DVL1: variants seen among roughly 807,000 people sequenced by gnomAD.
DVL1 encodes the protein segment polarity protein dishevelled homolog DVL-1.
Under a neutral mutation model 65.0 loss-of-function variants are expected in DVL1, and 49 were observed. That is an observed-to-expected ratio of 0.75 (90% CI 0.60 to 0.96). The LOEUF is 0.96. DVL1 is among the 40% of genes least tolerant of loss of function. DVL1 has a pLI of 0.00. For synonymous variants in DVL1, 608 were observed against 433.9 expected (o/e 1.40, Z -4.99); for missense variants, 1,197 against 1,045.4 (o/e 1.15, Z -2.00).
chr1:1,339,132 G>A (rs1008341933), intron 11 of DVL1, among the ~76,000 whole-genome samples, 155 bp downstream of exon 11: 1 of 152,336 alleles, frequency 6.6e-6, no homozygotes, highest in Non-Finnish European at 1.5e-5. Flanking sequence ...AGGTGGGCAC[G>A]GGTGCCTGTG....
intron 4 of DVL1, 86 bp downstream of exon 4, chr1:1,341,967 G>T: frequency 6.9e-7 from 1 of 1,457,184 alleles, no homozygotes; most frequent in Non-Finnish European, 9.3e-7. Flanking sequence ...CTGGCTGGGG[G>T]ACAGGAACTG....
intron 1 of DVL1, among the ~76,000 whole-genome samples, chr1:1,343,799 G>A (rs1643880899): frequency 1.3e-5 from 2 of 152,212 alleles, no homozygotes; most frequent in African/African-American, 4.8e-5. Flanking sequence ...TAGCCAGGGA[G>A]ACAAAGACCT....
At chr1:1,344,592 C>G (rs1445117595) in intron 1 of DVL1, among the ~76,000 whole-genome samples, 1 of 152,148 alleles carries the variant, frequency 6.6e-6, no homozygotes, top group Non-Finnish European at 1.5e-5. Context: ...AGGGCCAGGC[C>G]ATGAGGTAGA....
intron 14 of DVL1, 31 bp from the exon 15 acceptor site, chr1:1,336,546 C>T (rs1014021893): frequency 4.7e-6 from 7 of 1,484,976 alleles, no homozygotes; most frequent in Middle Eastern, 4.9e-4. Flanking sequence ...GGGAAGGAGC[C>T]TGTCAGCACC....
Position 1,340,309 on chromosome 1 carries a change from G to T in DVL1, c.707C>A (p.Ser236Tyr). ...QRLRQADRAS[S>Y]FSSITDSTMS... ...GGTGGAGTCGGTTATGCTGCTGAAG[G>T]AGGAGGCCTATGGAGGAGAGGGGGC... The change falls in exon 7 of 15, where the codon TCC becomes TAC. Residue 236 changes from serine to tyrosine, a missense_variant. Transcript: ENST00000378888. The T allele has an allele frequency of 6.2e-7, 1 of 1,613,944 alleles. No individual in the cohort carries two copies. Among genetic ancestry groups the T allele is most frequent in the Non-Finnish European group, 8.5e-7 (1 of 1,179,950 alleles).
chr1:1,339,729 C>T lies in DVL1; in HGVS notation c.986+7G>A, dbSNP rs771008129. ...GCCCCTCCCGCTCCAGCGCCCCCAG[C>T]CCTCACCCCGTCTGGGAAACGATCT... is the stretch of plus-strand genomic sequence containing the variant. On this transcript the variant is annotated splice_region_variant and intron_variant, in intron 9 of 14. Coordinates refer to ENST00000378888, the MANE Select transcript of DVL1 (RefSeq NM_001330311.2). The T allele has an allele frequency of 5.6e-6, 9 of 1,612,950 alleles. No individual in the cohort carries two copies. Among genetic ancestry groups the T allele is most frequent in the Non-Finnish European group, 4.2e-6 (5 of 1,179,894 alleles).
intron 1 of DVL1, among the ~76,000 whole-genome samples, chr1:1,347,666 C>T (rs999887654): frequency 2.6e-5 from 4 of 152,246 alleles, no homozygotes; most frequent in African/African-American, 9.6e-5. Context: ...AAGGCCAAAG[C>T]AGCCCAGGCC....
Position 1,342,725 on chromosome 1 carries a change from G to A in DVL1, c.204C>T (p.Ala68=), listed in dbSNP as rs140797075. The A allele has an allele frequency of 1.9e-6, 3 of 1,613,002 alleles. No homozygotes were observed. The highest frequency in any genetic ancestry group is 1.7e-6 in the Non-Finnish European group (2 of 1,179,802). ...CGCGGCCGTTGAAGCAGGGAAGCTTGGCATTGTCATCAAAGATCTCCTCCT... is the reference window on the plus strand; with the variant it reads ...CGCGGCCGTTGAAGCAGGGAAGCTTAGCATTGTCATCAAAGATCTCCTCCT... The part of the protein sequence containing the change: ...VVKEEIFDDN[A]KLPCFNGRVV... Residue 68 remains alanine (A), a synonymous_variant, in exon 2 of 15, where the codon GCC becomes GCT. Transcript: ENST00000378888.
At chr1:1,344,813 CCA>C (rs1643893830) in intron 1 of DVL1, among the ~76,000 whole-genome samples, 1 of 152,166 alleles carries the variant, frequency 6.6e-6, no homozygotes, top group Non-Finnish European at 1.5e-5. Context: ...GGGCCAGGGC[CCA>C]CAGTGAGCCC....
Position 1,349,224 on chromosome 1 carries a change from C to G in DVL1, c.-159G>C. On this transcript the variant is annotated 5_prime_UTR_variant, in exon 1 of 15. Transcript: ENST00000378888. This position sits in a 1 kb window ranked among gnomAD's most constrained non-coding sequence, Gnocchi z 4.1. ...CGCCCCCGCCCGACCGCCCAGGCCC[C>G]GGCCGCCGCCCCCGGCTCCCGCGCG... 1 of 262,542 alleles carries G rather than the reference C, an allele frequency of 3.8e-6. No homozygotes were observed. Among genetic ancestry groups the G allele is most frequent in the Non-Finnish European group, 5.8e-6 (1 of 172,270 alleles). The allele number at this position is 262,542 out of a possible 1,614,324, so 16.3% of individuals were successfully genotyped here.
Position 1,341,696 on chromosome 1 carries a change from C to T in DVL1, c.576G>A (p.Val192=). Residue 192 remains valine (V), a synonymous_variant, in exon 5 of 15, where the codon GTG becomes GTA. Transcript: ENST00000378888. ...LSSELESSSF[V]DSDEDGSTSR... ...TCGTGCTGCCATCCTCGTCCGAGTC[C>T]ACAAAGCTGCTGGACTCAAGCTCGC... is the stretch of plus-strand genomic sequence containing the variant. 4.3e-6 allele frequency: 7 copies of T among 1,610,520 alleles called. No homozygotes were observed. Among genetic ancestry groups the T allele is most frequent in the Non-Finnish European group, 5.9e-6 (7 of 1,177,978 alleles).
chr1:1,341,328 T>C (rs899930976), intron 5 of DVL1, among the ~76,000 whole-genome samples: 2 of 151,974 alleles, frequency 1.3e-5, no homozygotes, highest in Admixed American at 6.5e-5. Flanking sequence ...ATGCGCATCA[T>C]GTACATAAAC....
chr1:1,343,769 A>AT (rs1333886674), intron 1 of DVL1, among the ~76,000 whole-genome samples: 1 of 151,500 alleles, frequency 6.6e-6, no homozygotes, highest in Non-Finnish European at 1.5e-5. Context: ...GCCGCCCACC[A>AT]CCCTCCTGTC....
intron 1 of DVL1, among the ~76,000 whole-genome samples, chr1:1,347,225 C>T (rs995129580): frequency 6.6e-6 from 1 of 152,158 alleles, no homozygotes; most frequent in African/African-American, 2.4e-5. Flanking sequence ...TGCAGCCCCA[C>T]TGACTCCCAG....
intron 8 of DVL1, 90 bp downstream of exon 8, chr1:1,339,948 C>CCGCAGACCCCCCCGCAGCCGCA: frequency 6.4e-7 from 1 of 1,554,212 alleles, no homozygotes; most frequent in Non-Finnish European, 8.7e-7. Flanking sequence ...CCAGCAGCCC[C>CCGCAGACCCCCCCGCAGCCGCA]TACAGACCCA....
chr1:1,348,477 G>A (rs1432947067), intron 1 of DVL1, among the ~76,000 whole-genome samples: 3 of 152,226 alleles, frequency 2.0e-5, no homozygotes, highest in Admixed American at 1.3e-4. Context: ...AACCCTAGCA[G>A]ACAGGTTGGT....
rs144365982 is a variant in DVL1 at position 1,340,424 on chromosome 1, G to C, written c.685C>G (p.Arg229Gly). The C allele has an allele frequency of 4.0e-4, 651 of 1,612,304 alleles. No individual in the cohort carries two copies. Among genetic ancestry groups the C allele is most frequent in the Non-Finnish European group, 5.0e-4 (586 of 1,179,458 alleles). ...HKRRRRKQRL[R>G]QADRASSFSS... ...CGGCTGCCTACCCGGTCCGCCTGCC[G>C]AAGGCGCTGCTTCCTCCGCCGGCGT... The change falls in exon 6 of 15, where the codon CGG (arginine) becomes GGG (glycine). Residue 229 changes from arginine to glycine, a missense_variant. Coordinates refer to ENST00000378888, the MANE Select transcript of DVL1 (RefSeq NM_001330311.2).
rs1274170420 is a variant in DVL1, at chr1:1,342,390, A to G, written c.335T>C (p.Ile112Thr). The G allele has an allele frequency of 6.3e-7, 1 of 1,589,558 alleles. No homozygotes were observed. Residue 112 changes from isoleucine (I) to threonine (T), a missense_variant, in exon 3 of 15, where the codon ATC becomes ACC. By Grantham distance (89) the Ile-to-Thr change is moderately conservative. Transcript: ENST00000378888. ...LPPPLERTGG[I>T]GDSRPPSFHP... ...GAAGGAGGGGGGCCGGGAGTCCCCGATGCCGCCTGTCCGCTCAAGAGGCGG... is the reference window on the plus strand; with the variant it reads ...GAAGGAGGGGGGCCGGGAGTCCCCGGTGCCGCCTGTCCGCTCAAGAGGCGG...
At position 1,340,500 on chromosome 1, in the gene DVL1, G is replaced by C. The variant is rs756368723; in HGVS notation, c.609C>G (p.Leu203=). ...DSDEDGSTSR[L]SSSTEQSTSS... ...AGGTGCTCTGCTCCGTGGAGCTGCT[G>C]AGCCTGGGAACAGACTGTCAGAGCT... The change falls in exon 6 of 15, where the codon CTC becomes CTG. Residue 203 remains leucine (L), a synonymous_variant. Coordinates refer to ENST00000378888, the MANE Select transcript of DVL1 (RefSeq NM_001330311.2). 1.9e-6 allele frequency: 3 copies of C among 1,602,240 alleles called. No individual in the cohort carries two copies. Among genetic ancestry groups the C allele is most frequent in the African/African-American group, 1.3e-5 (1 of 74,960 alleles).
Sources: gnomAD v4.1 joint callset for allele counts (sites outside exome capture counted in the v4.1 genomes callset) on GRCh38, gnomAD v4.1.1 for gene constraint, Gnocchi (gnomAD v3.1) non-coding constraint, MANE v1.5 for transcripts, NCBI Gene and HGNC (gene_info 2026-07-23, HGNC 2026-07-21) for gene names.